ADK: variants seen among roughly 807,000 people sequenced by gnomAD.
ADK encodes adenosine kinase.
ADK carries 24 observed loss-of-function variants against 44.7 expected under a neutral mutation model. The observed-to-expected ratio is 0.54, with a 90% CI of 0.39 to 0.76. The LOEUF (loss-of-function observed/expected upper bound fraction) is 0.76, where lower values mean the gene tolerates loss of function less well. Ranked by LOEUF, ADK falls within the 30% of genes least tolerant of loss-of-function variation. The pLI is 0.00. For synonymous variants in ADK, 128 were observed against 142.6 expected (o/e 0.90, Z 0.73); for missense variants, 321 against 425.1 (o/e 0.76, Z 2.15).
At chr10:74,179,990 G>A (rs1842474582) in intron 1 of ADK, among the ~76,000 whole-genome samples, 1 of 152,002 alleles carries the variant, frequency 6.6e-6, no homozygotes, top group Non-Finnish European at 1.5e-5. Context: ...TTACTGATAA[G>A]CTGAATGATT....
chr10:74,536,163 A>G (rs1372263196), intron 7 of ADK, among the ~76,000 whole-genome samples: 2 of 152,140 alleles, frequency 1.3e-5, no homozygotes, highest in Admixed American at 6.5e-5. Context: ...ATTATAAATT[A>G]ATAAAGTTCC....
At position 74,349,003 on chromosome 10, in the gene ADK, C is replaced by T. The variant is rs183327771; in HGVS notation, c.273+34258C>T. Among the ~76,000 whole-genome samples the T allele has an allele frequency of 2.0e-5, 3 of 152,108 alleles. No homozygotes were observed. The East Asian group carries it at 5.8e-4, about 29-fold the overall frequency. On this transcript the variant is annotated intron_variant, in intron 4 of 10. Transcript: ENST00000539909. ...GGAAAACACACTTCAGGATATTATC[C>T]AGGAGAACTTCCCCAACCTAGCAAG...
chr10:74,554,395 G>T (rs1055212721), intron 7 of ADK, among the ~76,000 whole-genome samples: 2 of 152,044 alleles, frequency 1.3e-5, no homozygotes, highest in African/African-American at 4.8e-5. Flanking sequence ...CCTAGTAGGT[G>T]TATACATATG....
intron 7 of ADK, among the ~76,000 whole-genome samples, chr10:74,574,621 C>T (rs1223987392): frequency 1.3e-5 from 2 of 152,188 alleles, no homozygotes; most frequent in Non-Finnish European, 2.9e-5. Context: ...AATATTCTTT[C>T]AGGAAAATCT....
intron 4 of ADK, among the ~76,000 whole-genome samples, chr10:74,354,361 C>A (rs1308861214): frequency 6.6e-6 from 1 of 151,100 alleles, no homozygotes; most frequent in Non-Finnish European, 1.5e-5. Context: ...GCATCTGTTA[C>A]CCCTACACAA....
At chr10:74,195,041 C>T (rs1471455946) in intron 1 of ADK, among the ~76,000 whole-genome samples, 2 of 151,334 alleles carry the variant, frequency 1.3e-5, no homozygotes, top group East Asian at 3.9e-4. Flanking sequence ...ATGTTGGCTG[C>T]AAGCCTAAAT....
intron 1 of ADK, among the ~76,000 whole-genome samples, chr10:74,153,931 G>A (rs1322842101): frequency 6.6e-6 from 1 of 152,144 alleles, no homozygotes; most frequent in Non-Finnish European, 1.5e-5. Flanking sequence ...TAGACATGGT[G>A]TTAAAAACTG....
chr10:74,633,273 T>G (rs1346853733), intron 9 of ADK, among the ~76,000 whole-genome samples: 2 of 152,202 alleles, frequency 1.3e-5, no homozygotes, highest in Non-Finnish European at 2.9e-5. Flanking sequence ...CTTGCCTTTT[T>G]GCTTAATATA....
intron 4 of ADK, among the ~76,000 whole-genome samples, chr10:74,386,910 A>G (rs1197708734): frequency 6.6e-6 from 1 of 151,898 alleles, no homozygotes; most frequent in Non-Finnish European, 1.5e-5. Flanking sequence ...TCTATCAGAC[A>G]CAGCATGAAC....
intron 6 of ADK, among the ~76,000 whole-genome samples, chr10:74,413,089 A>G (rs1272972231): frequency 6.6e-6 from 1 of 152,056 alleles, no homozygotes; most frequent in East Asian, 1.9e-4. Flanking sequence ...ACCATACTCA[A>G]ACAGGTATGT....
At chr10:74,314,812 A>T in intron 4 of ADK, 67 bp downstream of exon 4, 1 of 1,216,038 alleles carries the variant, frequency 8.2e-7, no homozygotes, top group South Asian at 1.2e-5. Context: ...ATTTTGCATA[A>T]TTGTTTCCTT....
chr10:74,210,622 G>C (rs1843779224), intron 2 of ADK, among the ~76,000 whole-genome samples: 1 of 152,044 alleles, frequency 6.6e-6, no homozygotes, highest in Admixed American at 6.5e-5. Context: ...GCAATATAGT[G>C]AGACCCTGTC....
intron 3 of ADK, among the ~76,000 whole-genome samples, chr10:74,240,171 T>C (rs1256269097): frequency 1.3e-5 from 2 of 152,066 alleles, no homozygotes; most frequent in Admixed American, 1.3e-4. Context: ...TGCAACACCA[T>C]ACCTGGTTAA....
At chr10:74,570,454 C>T (rs1230648697) in intron 7 of ADK, among the ~76,000 whole-genome samples, 2 of 151,930 alleles carry the variant, frequency 1.3e-5, no homozygotes. Context: ...TTTCATTGAG[C>T]AGTGGTTTGT....
chr10:74,234,944 G>A lies in ADK; in HGVS notation c.194+10353G>A, dbSNP rs368145858. The stretch of plus-strand genomic sequence containing the variant: ...AAATGTTTCACTTTGTACACACAAA[G>A]TTTTAATAACATATACAAAATAAAA... On this transcript the variant is annotated intron_variant, in intron 3 of 10. Transcript: ENST00000539909. 1.4e-4 allele frequency among the ~76,000 whole-genome samples: 22 copies of A among 152,128 alleles called. 2 individuals are homozygous for A. Among genetic ancestry groups the A allele is most frequent in the Admixed American group, 5.9e-4 (9 of 15,274 alleles).
At chr10:74,228,149 G>A (rs1844616656) in intron 3 of ADK, among the ~76,000 whole-genome samples, 2 of 152,164 alleles carry the variant, frequency 1.3e-5, no homozygotes, top group South Asian at 4.1e-4. Context: ...TATACACTTA[G>A]TCACTGATGC....
chr10:74,154,413 C>T (rs149415371), intron 1 of ADK, among the ~76,000 whole-genome samples: 354 of 152,202 alleles, frequency 2.3e-3, no homozygotes, highest in African/African-American at 7.9e-3. Context: ...GGATTACAGG[C>T]GTACACCACT....
chr10:74,456,534 G>T (rs1424111469), intron 6 of ADK, among the ~76,000 whole-genome samples: 1 of 151,820 alleles, frequency 6.6e-6, no homozygotes, highest in East Asian at 1.9e-4. Flanking sequence ...GGGCGTGATG[G>T]CGGGTGCCTG....
chr10:74,191,034 G>A (rs1055894034), intron 1 of ADK, among the ~76,000 whole-genome samples: 3 of 145,064 alleles, frequency 2.1e-5, no homozygotes, highest in Non-Finnish European at 4.5e-5. Context: ...AGGCTGAAGT[G>A]CAATGGTGTA....
Sources: gnomAD v4.1 joint callset for allele counts (sites outside exome capture counted in the v4.1 genomes callset) on GRCh38, gnomAD v4.1.1 for gene constraint, MANE v1.5 for transcripts, NCBI Gene and HGNC (gene_info 2026-07-23, HGNC 2026-07-21) for gene names.